The following NEMP2 variants were observed in gnomAD, a reference collection of about 807,000 sequenced individuals.
NEMP2 encodes the protein UPF0571 transmembrane protein.
A neutral mutation model predicts 54.2 loss-of-function variants in NEMP2; 53 were observed. The ratio of observed to expected loss-of-function variants is 0.98; its 90% confidence interval spans 0.78 to 1.23. NEMP2 has a LOEUF of 1.23. Among genes scored for constraint, NEMP2 ranks in the 50% most tolerant of loss-of-function variants. The probability of loss-of-function intolerance (pLI) is 0.00; values close to 1 mark genes in which losing one functional copy is unlikely to be tolerated. For synonymous variants in NEMP2, 197 were observed against 190.3 expected (o/e 1.04, Z -0.29); for missense variants, 455 against 511.3 (o/e 0.89, Z 1.06).
chr2:190,479,561 T>G, the NEMP2 span, among the ~76,000 whole-genome samples: 16 of 152,218 alleles, frequency 1.1e-4, no homozygotes, highest in African/African-American at 3.9e-4. Context: ...AAATATTTGA[T>G]TAAAATAAAG....
chr2:190,629,054 G>T, the NEMP2 span, among the ~76,000 whole-genome samples: 1 of 152,138 alleles, frequency 6.6e-6, no homozygotes, highest in Non-Finnish European at 1.5e-5. Context: ...CTATGTTTTT[G>T]GTCCAGAATT....
chr2:190,640,787 A>ATTTTTTTTTTTTTTTT, the NEMP2 span, among the ~76,000 whole-genome samples: 1 of 118,032 alleles, frequency 8.5e-6, no homozygotes, highest in African/African-American at 3.5e-5. Context: ...AACACATTCA[A>ATTTTTTTTTTTTTTTT]TTTTTTTTTT....
At chr2:190,423,818 AT>A in the NEMP2 span, among the ~76,000 whole-genome samples, 1 of 152,128 alleles carries the variant, frequency 6.6e-6, no homozygotes, top group African/African-American at 2.4e-5. This position sits in a 1 kb window ranked among gnomAD's most constrained non-coding sequence, Gnocchi z 4.3. Context: ...CCCTATTTTT[AT>A]TTTAACCATT....
the NEMP2 span, among the ~76,000 whole-genome samples, chr2:190,570,624 G>C: frequency 2.6e-5 from 4 of 152,220 alleles, no homozygotes; most frequent in African/African-American, 9.7e-5. The surrounding 1 kb of genome is among the most constrained non-coding windows in gnomAD (Gnocchi z 5.4). Flanking sequence ...AGGAGGAGAA[G>C]AACAGTGCAC....
At chr2:190,648,231 G>T in the NEMP2 span, 2 of 152,250 alleles carry the variant, frequency 1.3e-5, no homozygotes, top group Non-Finnish European at 2.9e-5. Context: ...CGGCCAGCGC[G>T]ACAGTTGTCA....
the NEMP2 span, among the ~76,000 whole-genome samples, chr2:190,430,726 T>C: frequency 1.7e-4 from 8 of 46,008 alleles, no homozygotes; most frequent in East Asian, 6.1e-3. Context: ...TTGGGTACAC[T>C]TCCCAGACGG....
At chr2:190,433,686 C>T in the NEMP2 span, among the ~76,000 whole-genome samples, 1 of 152,154 alleles carries the variant, frequency 6.6e-6, no homozygotes, top group Non-Finnish European at 1.5e-5. This position sits in a 1 kb window ranked among gnomAD's most constrained non-coding sequence, Gnocchi z 4.5. Flanking sequence ...ACATTGACAT[C>T]TGGCTTTTGG....
the NEMP2 span, among the ~76,000 whole-genome samples, chr2:190,579,676 C>T: frequency 6.6e-6 from 1 of 152,170 alleles, no homozygotes; most frequent in Non-Finnish European, 1.5e-5. Flanking sequence ...GCAGAAATAA[C>T]TTGGGGCCCA....
chr2:190,434,904 A>G, the NEMP2 span, among the ~76,000 whole-genome samples: 1 of 152,198 alleles, frequency 6.6e-6, no homozygotes, highest in Non-Finnish European at 1.5e-5. This position sits in a 1 kb window ranked among gnomAD's most constrained non-coding sequence, Gnocchi z 4.3. Flanking sequence ...GCATTATCAC[A>G]TGAGCTCTTC....
the NEMP2 span, among the ~76,000 whole-genome samples, chr2:190,478,595 G>T: frequency 6.6e-6 from 1 of 152,166 alleles, no homozygotes; most frequent in Non-Finnish European, 1.5e-5. Flanking sequence ...ATGCAGTAAG[G>T]CAGGACATGA....
rs1485959845 is a variant in NEMP2, at chr2:190,521,061, T to TGCA, written c.214-1881_214-1879dup. On this transcript the variant is annotated intron_variant, in intron 2 of 8. Transcript: ENST00000409150. This position sits in a 1 kb window ranked among gnomAD's most constrained non-coding sequence, Gnocchi z 6.2. Reference sequence around the variant, plus strand: ...TTGCATCACCAGTGTGCTAGAGAAGTGCACACTGGTCTCACTTCAAATCCA... The same window carrying TGCA: ...TTGCATCACCAGTGTGCTAGAGAAGTGCAGCACACTGGTCTCACTTCAAATCCA... Among the ~76,000 whole-genome samples the TGCA allele has an allele frequency of 6.6e-6, 1 of 152,194 alleles. No homozygotes were observed. The highest frequency in any genetic ancestry group is 1.5e-5 in the Non-Finnish European group (1 of 68,048).
the NEMP2 span, among the ~76,000 whole-genome samples, chr2:190,616,118 C>T: frequency 6.6e-6 from 1 of 152,216 alleles, no homozygotes; most frequent in Non-Finnish European, 1.5e-5. This position sits in a 1 kb window ranked among gnomAD's most constrained non-coding sequence, Gnocchi z 5.1. Context: ...GACTTCACCA[C>T]CTGAGACAAT....
At position 190,533,990 on chromosome 2, in the gene NEMP2, G is replaced by A. The variant is rs1221539895; in HGVS notation, c.97+569C>T. The A allele has an allele frequency of 5.1e-6, 5 of 985,174 alleles. No homozygotes were observed. The African/African-American group carries it at 5.2e-5, about 10-fold the overall frequency. 61.0% of individuals were successfully genotyped at this position (985,174 alleles called of 1,614,324 possible). On this transcript the variant is annotated intron_variant, in intron 1 of 8. Transcript: ENST00000409150. This position sits in a 1 kb window ranked among gnomAD's most constrained non-coding sequence, Gnocchi z 4.3. ...GGCATTGTGCACACGAACACCACAA[G>A]AACCTTGTGAGGCCTCATTACCTGC...
the NEMP2 span, among the ~76,000 whole-genome samples, chr2:190,573,705 C>A: frequency 6.6e-6 from 1 of 152,134 alleles, no homozygotes; most frequent in Non-Finnish European, 1.5e-5. Context: ...CCTAGCCTAC[C>A]CTGACTGCTG....
intron 5 of NEMP2, 110 bp from the exon 6 acceptor site, chr2:190,516,494 T>C (rs1482780675): frequency 1.3e-6 from 1 of 791,200 alleles, no homozygotes; most frequent in African/African-American, 1.8e-5. Context: ...CAAACTGATT[T>C]GAAGTCAATT....
chr2:190,601,186 C>T, the NEMP2 span, among the ~76,000 whole-genome samples: 1 of 152,108 alleles, frequency 6.6e-6, no homozygotes, highest in African/African-American at 2.4e-5. The surrounding 1 kb of genome is among the most constrained non-coding windows in gnomAD (Gnocchi z 5.8). Context: ...CATTTGGAGA[C>T]AGTCACATAT....
At chr2:190,466,950 C>T in the NEMP2 span, among the ~76,000 whole-genome samples, 1 of 152,188 alleles carries the variant, frequency 6.6e-6, no homozygotes, top group African/African-American at 2.4e-5. Context: ...CACAATCTAC[C>T]TCCTAAACTG....
At chr2:190,564,005 T>G in the NEMP2 span, among the ~76,000 whole-genome samples, 1 of 152,242 alleles carries the variant, frequency 6.6e-6, no homozygotes, top group Non-Finnish European at 1.5e-5. This position sits in a 1 kb window ranked among gnomAD's most constrained non-coding sequence, Gnocchi z 4.2. Flanking sequence ...TGTTCCAGAA[T>G]TAAAGTCACT....
the NEMP2 span, among the ~76,000 whole-genome samples, chr2:190,638,370 G>C: frequency 6.6e-6 from 1 of 152,056 alleles, no homozygotes; most frequent in Admixed American, 6.6e-5. This position sits in a 1 kb window ranked among gnomAD's most constrained non-coding sequence, Gnocchi z 5.7. Context: ...TCCATCCACA[G>C]TATGTGAGTG....
Sources: gnomAD v4.1 joint callset for allele counts (sites outside exome capture counted in the v4.1 genomes callset) on GRCh38, gnomAD v4.1.1 for gene constraint, Gnocchi (gnomAD v3.1) non-coding constraint, MANE v1.5 for transcripts, NCBI Gene and HGNC (gene_info 2026-07-23, HGNC 2026-07-21) for gene names.